TENM3: variants seen among roughly 807,000 people sequenced by gnomAD.
The protein encoded by TENM3 is teneurin-3.
Under a neutral mutation model 255.1 loss-of-function variants are expected in TENM3, and 63 were observed. The ratio of observed to expected loss-of-function variants is 0.25; its 90% CI spans 0.20 to 0.30. The LOEUF (loss-of-function observed/expected upper bound fraction) is 0.30, where lower values mean the gene tolerates loss of function less well. Among genes scored for constraint, TENM3 ranks in the 10% least tolerant of loss-of-function variants. TENM3 has a pLI of 1.00. For missense variants in TENM3, 2,929 were observed against 3,461.1 expected (o/e 0.85, Z 3.86); for synonymous variants, 1,306 against 1,322.3 (o/e 0.99, Z 0.27).
the TENM3 span, among the ~76,000 whole-genome samples, chr4:181,899,087 A>T: frequency 6.6e-6 from 1 of 152,082 alleles, no homozygotes; most frequent in Non-Finnish European, 1.5e-5. Context: ...GAATATTTTC[A>T]AAGATTTAAT....
the TENM3 span, among the ~76,000 whole-genome samples, chr4:181,794,249 C>T: frequency 9.2e-5 from 14 of 152,248 alleles, no homozygotes; most frequent in Non-Finnish European, 1.8e-4. Flanking sequence ...ATCTCCATCA[C>T]GTCACATAGT....
At chr4:182,330,550 T>C (rs1296317076) in intron 2 of TENM3, among the ~76,000 whole-genome samples, 1 of 152,192 alleles carries the variant, frequency 6.6e-6, no homozygotes, top group African/African-American at 2.4e-5. Flanking sequence ...TTTTCTCAAA[T>C]GCCAAGTGCC....
rs1157094435 is a variant in TENM3, at chr4:182,754,361, C to G, written c.4018-24C>G. Reference sequence around the variant, plus strand: ...AACTGTAGTGCAGTAACTTACTAACCAGGCCATTTCTTTTTTTATTAAGGT... The same window carrying G: ...AACTGTAGTGCAGTAACTTACTAACGAGGCCATTTCTTTTTTTATTAAGGT... On this transcript the variant is annotated intron_variant, in intron 21 of 27. Transcript: ENST00000511685. This position sits in a 1 kb window ranked among gnomAD's most constrained non-coding sequence, Gnocchi z 5.1. The G allele has an allele frequency of 1.9e-6, 3 of 1,550,290 alleles. No individual in the cohort carries two copies. In the African/African-American group the frequency reaches 4.1e-5, roughly 21 times the overall value.
the TENM3 span, among the ~76,000 whole-genome samples, chr4:181,772,823 C>A: frequency 6.6e-6 from 1 of 152,068 alleles, no homozygotes; most frequent in Non-Finnish European, 1.5e-5. Flanking sequence ...TGAATTTTCA[C>A]CTTATTATAT....
chr4:181,696,346 C>T, the TENM3 span, among the ~76,000 whole-genome samples: 1 of 152,118 alleles, frequency 6.6e-6, no homozygotes, highest in Non-Finnish European at 1.5e-5. Context: ...ATCAATACTT[C>T]CTTTATTACC....
chr4:182,642,084 C>T (rs947738546), intron 5 of TENM3, among the ~76,000 whole-genome samples: 4 of 152,210 alleles, frequency 2.6e-5, no homozygotes, highest in African/African-American at 9.6e-5. Flanking sequence ...AGTCCTCTTA[C>T]CATACTCTTC....
intron 3 of TENM3, among the ~76,000 whole-genome samples, chr4:182,513,596 GAGTT>G (rs1247748169): frequency 3.3e-5 from 5 of 152,256 alleles, no homozygotes; most frequent in African/African-American, 1.2e-4. Flanking sequence ...TGTAGTAAGA[GAGTT>G]AGTAATAGGG....
chr4:182,172,025 G>T (rs1278465145), intron 1 of TENM3, among the ~76,000 whole-genome samples: 1 of 151,692 alleles, frequency 6.6e-6, no homozygotes, highest in Non-Finnish European at 1.5e-5. Flanking sequence ...GAAGTGATTT[G>T]ATATAAAATA....
chr4:182,022,993 G>A, the TENM3 span, among the ~76,000 whole-genome samples: 2 of 152,156 alleles, frequency 1.3e-5, 1 homozygote, highest in Admixed American at 1.3e-4. Flanking sequence ...GAGCAGATGC[G>A]TTTTCCACAG....
intron 3 of TENM3, among the ~76,000 whole-genome samples, chr4:182,529,542 T>C (rs914418986): frequency 1.1e-4 from 17 of 152,144 alleles, no homozygotes; most frequent in African/African-American, 4.1e-4. Flanking sequence ...TTCTTCTTCC[T>C]TTCTTCTACG....
At chr4:181,701,144 C>A in the TENM3 span, among the ~76,000 whole-genome samples, 1 of 152,086 alleles carries the variant, frequency 6.6e-6, no homozygotes, top group Non-Finnish European at 1.5e-5. Context: ...TCTCGTTGAC[C>A]TTGTTAAAGG....
At chr4:182,642,452 A>G (rs900945649) in intron 5 of TENM3, among the ~76,000 whole-genome samples, 1 of 152,210 alleles carries the variant, frequency 6.6e-6, no homozygotes, top group Non-Finnish European at 1.5e-5. Context: ...ATGCAAGGAA[A>G]CTTTCAAGTA....
At chr4:181,574,488 G>GCA in the TENM3 span, among the ~76,000 whole-genome samples, 1 of 150,672 alleles carries the variant, frequency 6.6e-6, no homozygotes, top group East Asian at 2.0e-4. Flanking sequence ...CCGAGATCGT[G>GCA]CCACTGCAGT....
intron 3 of TENM3, among the ~76,000 whole-genome samples, chr4:182,497,060 T>C (rs1197134967): frequency 2.3e-5 from 3 of 129,850 alleles, no homozygotes; most frequent in Non-Finnish European, 5.2e-5. Context: ...CACTTACAGC[T>C]TTTTTTTTTT....
At chr4:181,893,289 T>C in the TENM3 span, among the ~76,000 whole-genome samples, 1 of 152,118 alleles carries the variant, frequency 6.6e-6, no homozygotes, top group Non-Finnish European at 1.5e-5. Flanking sequence ...ACAGAACAAG[T>C]GGGGTTCCAC....
the TENM3 span, among the ~76,000 whole-genome samples, chr4:181,813,310 A>G: frequency 1.8e-3 from 269 of 152,306 alleles, 3 homozygotes; most frequent in Non-Finnish European, 1.6e-3. Context: ...CAAACTGTTC[A>G]GGAAAGCAGA....
chr4:181,919,254 C>T, the TENM3 span, among the ~76,000 whole-genome samples: 1 of 152,122 alleles, frequency 6.6e-6, no homozygotes, highest in East Asian at 1.9e-4. Context: ...ATCTCAGGAA[C>T]CCAGAGACTG....
chr4:182,043,305 T>A, the TENM3 span, among the ~76,000 whole-genome samples: 1 of 152,350 alleles, frequency 6.6e-6, no homozygotes, highest in South Asian at 2.1e-4. Flanking sequence ...GGTGAGACTT[T>A]CACGTTAAGC....
At chr4:182,299,347 C>A (rs1268600109) in intron 1 of TENM3, among the ~76,000 whole-genome samples, 1 of 152,074 alleles carries the variant, frequency 6.6e-6, no homozygotes, top group African/African-American at 2.4e-5. Context: ...ACAACTCTTA[C>A]AATTTCATTG....
Sources: allele counts gnomAD v4.1 joint callset (sites outside exome capture counted in the v4.1 genomes callset), GRCh38; gene constraint gnomAD v4.1.1; non-coding constraint Gnocchi (gnomAD v3.1); transcripts MANE v1.5; gene names NCBI Gene and HGNC (gene_info 2026-07-23, HGNC 2026-07-21).